The following CNTNAP2 variants were observed in gnomAD, a reference collection of about 807,000 sequenced individuals.
CNTNAP2 encodes contactin associated protein 2.
Under a neutral mutation model 155.2 loss-of-function variants are expected in CNTNAP2, and 98 were observed. The observed-to-expected ratio is 0.63, with a 90% CI of 0.54 to 0.75. The LOEUF (loss-of-function observed/expected upper bound fraction) is 0.75, where lower values mean the gene tolerates loss of function less well. Among genes scored for constraint, CNTNAP2 ranks in the 30% least tolerant of loss-of-function variants. CNTNAP2 has a pLI of 0.00. For synonymous variants in CNTNAP2, 651 were observed against 631.2 expected (o/e 1.03, Z -0.47); for missense variants, 1,727 against 1,688.1 (o/e 1.02, Z -0.40).
At chr7:146,699,211 T>A (rs1348310792) in intron 1 of CNTNAP2, among the ~76,000 whole-genome samples, 1 of 152,156 alleles carries the variant, frequency 6.6e-6, no homozygotes, top group Admixed American at 6.6e-5. Context: ...ATAAAACACA[T>A]AGTGCCTTAG....
intron 2 of CNTNAP2, among the ~76,000 whole-genome samples, chr7:146,818,727 T>C (rs181397964): frequency 1.3e-5 from 2 of 152,258 alleles, no homozygotes; most frequent in African/African-American, 2.4e-5. Flanking sequence ...ATGAAAACTT[T>C]TGTTACAAGT....
At chr7:148,031,640 A>C (rs1043455356) in intron 15 of CNTNAP2, among the ~76,000 whole-genome samples, 1 of 152,210 alleles carries the variant, frequency 6.6e-6, no homozygotes, top group Non-Finnish European at 1.5e-5. Context: ...AGCATCCAGT[A>C]GATACAGAAA....
intron 1 of CNTNAP2, among the ~76,000 whole-genome samples, chr7:146,540,431 T>C (rs1342132282): frequency 6.6e-6 from 1 of 152,020 alleles, no homozygotes; most frequent in African/African-American, 2.4e-5. Flanking sequence ...AAGCTGAAAC[T>C]GGAATTACAT....
intron 15 of CNTNAP2, among the ~76,000 whole-genome samples, chr7:148,013,889 G>A (rs973939090): frequency 6.6e-6 from 1 of 152,080 alleles, no homozygotes; most frequent in Non-Finnish European, 1.5e-5. Flanking sequence ...GCTCTGAAAT[G>A]GAGGACTGTG....
intron 8 of CNTNAP2, among the ~76,000 whole-genome samples, chr7:147,223,075 G>T (rs1803441244): frequency 1.3e-5 from 2 of 152,146 alleles, no homozygotes. Context: ...AAACCTGGTT[G>T]AGTCCCTTGG....
At chr7:146,749,886 T>G (rs1328450185) in intron 1 of CNTNAP2, among the ~76,000 whole-genome samples, 1 of 152,168 alleles carries the variant, frequency 6.6e-6, no homozygotes, top group Non-Finnish European at 1.5e-5. Context: ...TGTTATCTTC[T>G]CAGTATCTCA....
At chr7:146,306,597 C>T (rs1800717388) in intron 1 of CNTNAP2, among the ~76,000 whole-genome samples, 1 of 152,056 alleles carries the variant, frequency 6.6e-6, no homozygotes, top group African/African-American at 2.4e-5. Flanking sequence ...TCAACATACA[C>T]AAATCAATAA....
intron 12 of CNTNAP2, among the ~76,000 whole-genome samples, chr7:147,621,737 C>T (rs965528722): frequency 1.3e-5 from 2 of 151,796 alleles, no homozygotes; most frequent in South Asian, 2.1e-4. Context: ...AAAAAAACAA[C>T]CAGAAAACAA....
intron 20 of CNTNAP2, among the ~76,000 whole-genome samples, chr7:148,254,639 G>C (rs926470294): frequency 6.6e-6 from 1 of 152,020 alleles, no homozygotes; most frequent in Non-Finnish European, 1.5e-5. Context: ...AGCCAGGCTT[G>C]GTGGCGGGCA....
chr7:147,728,747 A>G (rs1159092222), intron 13 of CNTNAP2, among the ~76,000 whole-genome samples: 1 of 151,984 alleles, frequency 6.6e-6, no homozygotes, highest in African/African-American at 2.4e-5. Context: ...GGACTCATTC[A>G]CTTGGGAACC....
intron 10 of CNTNAP2, among the ~76,000 whole-genome samples, chr7:147,402,937 A>T (rs1188598298): frequency 6.8e-6 from 1 of 146,846 alleles, no homozygotes; most frequent in Non-Finnish European, 1.5e-5. Flanking sequence ...AGCCAAAGAC[A>T]TTCCAAATAA....
chr7:148,091,260 T>A (rs1249376439), intron 15 of CNTNAP2, among the ~76,000 whole-genome samples: 2 of 152,206 alleles, frequency 1.3e-5, no homozygotes, highest in Non-Finnish European at 2.9e-5. Flanking sequence ...AGATAACGCA[T>A]GTGTTAAATA....
At chr7:147,387,748 T>C (rs923145376) in intron 9 of CNTNAP2, among the ~76,000 whole-genome samples, 3 of 152,164 alleles carry the variant, frequency 2.0e-5, no homozygotes, top group African/African-American at 4.8e-5. Context: ...ATACGATTAT[T>C]ATTGACTGTA....
At chr7:146,411,544 G>A (rs1795864716) in intron 1 of CNTNAP2, among the ~76,000 whole-genome samples, 1 of 152,052 alleles carries the variant, frequency 6.6e-6, no homozygotes, top group Non-Finnish European at 1.5e-5. Flanking sequence ...TTAACTTGAT[G>A]TAGCCATTCC....
chr7:146,851,227 C>T (rs774163130), intron 3 of CNTNAP2, among the ~76,000 whole-genome samples: 40 of 152,090 alleles, frequency 2.6e-4, no homozygotes, highest in Non-Finnish European at 5.4e-4. Context: ...TCTGGTGATT[C>T]ACTAGCCTCG....
chr7:148,006,373 A>G (rs2116899525), intron 15 of CNTNAP2, among the ~76,000 whole-genome samples: 1 of 132,322 alleles, frequency 7.6e-6, no homozygotes, highest in Middle Eastern at 4.6e-3. Context: ...TGGATGGAGT[A>G]CAGTGGTACA....
intron 20 of CNTNAP2, among the ~76,000 whole-genome samples, chr7:148,257,697 C>T (rs952900975): frequency 3.3e-5 from 5 of 152,194 alleles, no homozygotes; most frequent in African/African-American, 1.2e-4. Context: ...ACTCTCAGAG[C>T]AGAGCAGGGG....
At chr7:147,483,932 A>C (rs1290758063) in intron 10 of CNTNAP2, among the ~76,000 whole-genome samples, 2 of 152,186 alleles carry the variant, frequency 1.3e-5, no homozygotes, top group African/African-American at 4.8e-5. Flanking sequence ...TTTCTCGCCT[A>C]TTCTGCTAGG....
chr7:147,390,499 T>C (rs1796694428), intron 9 of CNTNAP2, among the ~76,000 whole-genome samples: 2 of 152,080 alleles, frequency 1.3e-5, no homozygotes, highest in Non-Finnish European at 2.9e-5. Context: ...AATCAGCTGA[T>C]GACTTGACTA....
Sources: gnomAD v4.1 joint callset for allele counts (sites outside exome capture counted in the v4.1 genomes callset) on GRCh38, gnomAD v4.1.1 for gene constraint, MANE v1.5 for transcripts, NCBI Gene and HGNC (gene_info 2026-07-23, HGNC 2026-07-21) for gene names.